The following RPS6KC1 variants were observed in gnomAD, a reference collection of about 807,000 sequenced individuals.
The protein encoded by RPS6KC1 is ribosomal protein S6 kinase C1, also known as inactive ribosomal protein S6 kinase delta-1.
A neutral mutation model predicts 103.8 loss-of-function variants in RPS6KC1; 54 were observed. The observed-to-expected ratio is 0.52, with a 90% confidence interval of 0.42 to 0.65. RPS6KC1 has a LOEUF of 0.65. Among genes scored for constraint, RPS6KC1 ranks in the 30% least tolerant of loss-of-function variants. The pLI is 0.00. For missense variants in RPS6KC1, 1,151 were observed against 1,253.8 expected (o/e 0.92, Z 1.24); for synonymous variants, 439 against 438.7 (o/e 1.00, Z -0.01).
the RPS6KC1 span, among the ~76,000 whole-genome samples, chr1:213,724,651 G>A: frequency 6.6e-6 from 1 of 152,144 alleles, no homozygotes; most frequent in Non-Finnish European, 1.5e-5. Context: ...TGTAATTCTA[G>A]TGCTTTGGGA....
At chr1:213,331,980 G>A in the RPS6KC1 span, among the ~76,000 whole-genome samples, 1 of 149,392 alleles carries the variant, frequency 6.7e-6, no homozygotes, top group African/African-American at 2.5e-5. Flanking sequence ...GCTCCCAGAT[G>A]TTGCGGCCAT....
At chr1:213,297,329 T>G in the RPS6KC1 span, among the ~76,000 whole-genome samples, 1 of 152,220 alleles carries the variant, frequency 6.6e-6, no homozygotes, top group Non-Finnish European at 1.5e-5. Flanking sequence ...CATTTGCTTA[T>G]GGAATGTGAG....
the RPS6KC1 span, among the ~76,000 whole-genome samples, chr1:213,499,890 A>T: frequency 1.3e-5 from 2 of 152,206 alleles, no homozygotes; most frequent in South Asian, 2.1e-4. Context: ...ATAAGGGATT[A>T]AAAAAATGGC....
intron 3 of RPS6KC1, among the ~76,000 whole-genome samples, chr1:213,093,692 C>T (rs1470839342): frequency 6.6e-6 from 1 of 152,042 alleles, no homozygotes; most frequent in Non-Finnish European, 1.5e-5. Flanking sequence ...CTATTTACTG[C>T]CAGTGTGATC....
chr1:213,813,146 G>C, the RPS6KC1 span, among the ~76,000 whole-genome samples: 47 of 152,016 alleles, frequency 3.1e-4, no homozygotes, highest in Admixed American at 3.0e-3. Flanking sequence ...AGCTACTTGG[G>C]AGGCTGAGGC....
intron 6 of RPS6KC1, among the ~76,000 whole-genome samples, chr1:213,160,794 A>G (rs2090391559): frequency 6.6e-6 from 1 of 151,666 alleles, no homozygotes; most frequent in Non-Finnish European, 1.5e-5. Context: ...GTGAGAATTG[A>G]ACAATGAGAA....
At chr1:213,767,212 G>T in the RPS6KC1 span, among the ~76,000 whole-genome samples, 1 of 152,072 alleles carries the variant, frequency 6.6e-6, no homozygotes, top group Non-Finnish European at 1.5e-5. Flanking sequence ...AAAACCCTTC[G>T]CTATCTCTCC....
the RPS6KC1 span, among the ~76,000 whole-genome samples, chr1:213,758,638 A>G: frequency 6.6e-6 from 1 of 152,178 alleles, no homozygotes; most frequent in East Asian, 1.9e-4. Context: ...ATCCACATTA[A>G]CAGGGCTTTG....
At chr1:213,082,967 T>G (rs1172877087) in intron 3 of RPS6KC1, among the ~76,000 whole-genome samples, 1 of 152,186 alleles carries the variant, frequency 6.6e-6, no homozygotes, top group Non-Finnish European at 1.5e-5. Context: ...TTCGTGGAAG[T>G]GTAAGCCTCT....
chr1:213,121,043 T>C (rs1429686691), intron 5 of RPS6KC1, among the ~76,000 whole-genome samples: 1 of 152,188 alleles, frequency 6.6e-6, no homozygotes, highest in Non-Finnish European at 1.5e-5. Context: ...TTCTCCTTCC[T>C]CAGCCTCCTG....
chr1:213,234,383 A>T (rs2094177413), intron 10 of RPS6KC1, among the ~76,000 whole-genome samples: 1 of 152,180 alleles, frequency 6.6e-6, no homozygotes. Flanking sequence ...TAATAAAAGG[A>T]ACTATACAGA....
the RPS6KC1 span, among the ~76,000 whole-genome samples, chr1:213,518,446 G>A: frequency 1.5e-4 from 23 of 152,326 alleles, no homozygotes; most frequent in Middle Eastern, 3.4e-3. Context: ...GCCAAGGAAC[G>A]TCTGATGCCA....
intron 12 of RPS6KC1, among the ~76,000 whole-genome samples, chr1:213,261,051 A>G (rs1018707039): frequency 1.3e-5 from 2 of 152,226 alleles, no homozygotes; most frequent in Admixed American, 1.3e-4. Context: ...AGGGAAGATG[A>G]TACTATAAAC....
chr1:213,423,256 G>A, the RPS6KC1 span, among the ~76,000 whole-genome samples: 2 of 152,228 alleles, frequency 1.3e-5, no homozygotes, highest in African/African-American at 4.8e-5. Flanking sequence ...GCTGTGATTG[G>A]CAGCAGCCCA....
intron 1 of RPS6KC1, among the ~76,000 whole-genome samples, chr1:213,060,018 A>T (rs1474240459): frequency 6.6e-6 from 1 of 152,050 alleles, no homozygotes; most frequent in African/African-American, 2.4e-5. Flanking sequence ...GGGTTTTGCC[A>T]TGTTGGCCAG....
At chr1:213,830,605 GA>G in the RPS6KC1 span, among the ~76,000 whole-genome samples, 1 of 147,362 alleles carries the variant, frequency 6.8e-6, no homozygotes, top group Non-Finnish European at 1.5e-5. Context: ...CGGCCATGGT[GA>G]AAAGTTTGTA....
At chr1:213,327,095 C>T in the RPS6KC1 span, among the ~76,000 whole-genome samples, 5 of 148,440 alleles carry the variant, frequency 3.4e-5, no homozygotes, top group Admixed American at 2.0e-4. Context: ...GAATTAAACC[C>T]TTGTTGTCCA....
chr1:213,332,579 C>T, the RPS6KC1 span, among the ~76,000 whole-genome samples: 299 of 152,274 alleles, frequency 2.0e-3, no homozygotes, highest in Middle Eastern at 3.4e-3. Context: ...TTAGTTAATT[C>T]GGTGTGGGCC....
intron 10 of RPS6KC1, among the ~76,000 whole-genome samples, chr1:213,234,524 G>A (rs866907834): frequency 1.3e-5 from 2 of 152,178 alleles, no homozygotes; most frequent in Non-Finnish European, 1.5e-5. Context: ...TCATTTGAAT[G>A]TAAGATACAG....
Sources: gnomAD v4.1 joint callset for allele counts (sites outside exome capture counted in the v4.1 genomes callset) on GRCh38, gnomAD v4.1.1 for gene constraint, MANE v1.5 for transcripts, NCBI Gene and HGNC (gene_info 2026-07-23, HGNC 2026-07-21) for gene names.